CSMD1: variants seen among roughly 807,000 people sequenced by gnomAD.
CSMD1 encodes the protein CUB and sushi domain-containing protein 1.
A neutral mutation model predicts 417.5 loss-of-function variants in CSMD1; 213 were observed. The observed-to-expected ratio is 0.51, with a 90% CI of 0.46 to 0.57. The LOEUF (loss-of-function observed/expected upper bound fraction) is 0.57. Ranked by LOEUF, CSMD1 falls within the 20% of genes least tolerant of loss-of-function variation. CSMD1 has a pLI of 0.00. For missense variants in CSMD1, 6,923 were observed against 4,529.7 expected (o/e 1.53, Z -15.17); for synonymous variants, 2,862 against 1,736.8 (o/e 1.65, Z -16.11).
chr8:4,440,539 T>TA (rs1289511092), intron 2 of CSMD1, among the ~76,000 whole-genome samples: 15 of 152,318 alleles, frequency 9.8e-5, no homozygotes, highest in East Asian at 3.9e-4. Context: ...ACAGATAACA[T>TA]TGCTGACATG....
At chr8:3,654,212 T>G (rs575019373) in intron 7 of CSMD1, among the ~76,000 whole-genome samples, 1 of 152,196 alleles carries the variant, frequency 6.6e-6, no homozygotes, top group African/African-American at 2.4e-5. Flanking sequence ...TACCTTCAGT[T>G]TGACTGAATT....
At chr8:4,297,003 G>T (rs1185700303) in intron 3 of CSMD1, among the ~76,000 whole-genome samples, 1 of 152,084 alleles carries the variant, frequency 6.6e-6, no homozygotes, top group South Asian at 2.1e-4. Flanking sequence ...ACAAAGACAG[G>T]AATAGGAAGT....
chr8:3,765,498 G>A (rs558038620), intron 5 of CSMD1, among the ~76,000 whole-genome samples: 15 of 152,350 alleles, frequency 9.8e-5, no homozygotes, highest in Non-Finnish European at 1.5e-4. Flanking sequence ...TGAGCCCACT[G>A]AGGGCATTGG....
intron 36 of CSMD1, among the ~76,000 whole-genome samples, chr8:3,181,786 T>A (rs956846424): frequency 2.0e-5 from 3 of 152,186 alleles, no homozygotes; most frequent in Admixed American, 2.0e-4. Context: ...TTTCTTTACT[T>A]AAAATGTTCT....
At chr8:3,242,350 C>T (rs1357819160) in intron 26 of CSMD1, among the ~76,000 whole-genome samples, 1 of 151,112 alleles carries the variant, frequency 6.6e-6, no homozygotes, top group East Asian at 2.0e-4. Context: ...CTCAGCGACG[C>T]TTGGGGTTGG....
At chr8:3,359,069 C>G (rs1808985260) in intron 21 of CSMD1, 83 bp downstream of exon 21, 2 of 1,378,116 alleles carry the variant, frequency 1.5e-6, no homozygotes, top group Non-Finnish European at 1.0e-6. Flanking sequence ...AAACCCCCAC[C>G]CGACCCCGAC....
At chr8:4,561,430 C>A (rs1308474056) in intron 2 of CSMD1, among the ~76,000 whole-genome samples, 1 of 152,284 alleles carries the variant, frequency 6.6e-6, no homozygotes, top group South Asian at 2.1e-4. Flanking sequence ...TGCCTGTAAT[C>A]TCAGCACTTT....
chr8:4,832,032 G>T (rs990974129), intron 1 of CSMD1, among the ~76,000 whole-genome samples: 1 of 152,180 alleles, frequency 6.6e-6, no homozygotes, highest in African/African-American at 2.4e-5. Flanking sequence ...TCCAAGCAAT[G>T]CCACATGTTA....
intron 5 of CSMD1, among the ~76,000 whole-genome samples, chr8:3,786,649 A>G (rs1357649126): frequency 6.6e-6 from 1 of 152,148 alleles, no homozygotes; most frequent in Non-Finnish European, 1.5e-5. Flanking sequence ...TTCACTCGAG[A>G]TGCTATGATA....
At chr8:4,179,444 C>G (rs938702114) in intron 3 of CSMD1, among the ~76,000 whole-genome samples, 1 of 151,984 alleles carries the variant, frequency 6.6e-6, no homozygotes, top group African/African-American at 2.4e-5. Context: ...GGATTAAAGA[C>G]TTAAACGTTA....
At chr8:4,392,733 G>A (rs1803930297) in intron 3 of CSMD1, among the ~76,000 whole-genome samples, 1 of 151,716 alleles carries the variant, frequency 6.6e-6, no homozygotes, top group South Asian at 2.1e-4. Context: ...ACTTTGGGAG[G>A]CTGAGGCGGG....
At chr8:3,940,719 T>G (rs1585003620) in intron 5 of CSMD1, among the ~76,000 whole-genome samples, 1 of 152,134 alleles carries the variant, frequency 6.6e-6, no homozygotes, top group South Asian at 2.1e-4. Context: ...AATTTCATAC[T>G]AGCATTCATT....
At chr8:3,142,346 C>A in intron 41 of CSMD1, 119 bp downstream of exon 41, 1 of 909,504 alleles carries the variant, frequency 1.1e-6, no homozygotes, top group Non-Finnish European at 1.7e-6. Context: ...AACATTCCAC[C>A]AAAAAATTAT....
chr8:4,322,059 A>C (rs1389570360), intron 3 of CSMD1, among the ~76,000 whole-genome samples: 1 of 152,138 alleles, frequency 6.6e-6, no homozygotes, highest in African/African-American at 2.4e-5. Flanking sequence ...TAATTCACAG[A>C]TACTTTTCAT....
At chr8:3,622,530 G>A (rs1038660963) in intron 7 of CSMD1, among the ~76,000 whole-genome samples, 1 of 152,190 alleles carries the variant, frequency 6.6e-6, no homozygotes, top group Non-Finnish European at 1.5e-5. Flanking sequence ...AAACACTCTG[G>A]ATCTTTTTAA....
intron 2 of CSMD1, among the ~76,000 whole-genome samples, chr8:4,443,353 G>C (rs979151463): frequency 1.3e-5 from 2 of 152,122 alleles, no homozygotes; most frequent in Non-Finnish European, 2.9e-5. Flanking sequence ...CATACACACT[G>C]GTCTTTGAAA....
intron 3 of CSMD1, among the ~76,000 whole-genome samples, chr8:4,219,548 C>A (rs1426361932): frequency 4.4e-5 from 2 of 45,056 alleles, no homozygotes; most frequent in Admixed American, 6.7e-4. Context: ...AACATTTATG[C>A]TTATGTTAAA....
At chr8:4,146,033 G>T (rs1312621053) in intron 3 of CSMD1, among the ~76,000 whole-genome samples, 1 of 150,752 alleles carries the variant, frequency 6.6e-6, no homozygotes, top group African/African-American at 2.5e-5. Context: ...ATCTGTTGGG[G>T]AGTGAACACT....
chr8:4,130,939 T>A (rs73176340), intron 3 of CSMD1, among the ~76,000 whole-genome samples: 16,761 of 152,108 alleles, frequency 0.11, 1,114 homozygotes, highest in East Asian at 0.3. Flanking sequence ...TTTCTGAATA[T>A]CATATCTAAT....
Sources: allele counts gnomAD v4.1 joint callset (sites outside exome capture counted in the v4.1 genomes callset), GRCh38; gene constraint gnomAD v4.1.1; transcripts MANE v1.5; gene names NCBI Gene and HGNC (gene_info 2026-07-23, HGNC 2026-07-21).